C1QTNF3: variants seen among roughly 807,000 people sequenced by gnomAD.
The protein encoded by C1QTNF3 is C1q and TNF related 3.
A neutral mutation model predicts 32.6 loss-of-function variants in C1QTNF3; 26 were observed. The observed-to-expected ratio is 0.80, with a 90% CI of 0.58 to 1.11. The LOEUF (loss-of-function observed/expected upper bound fraction) is 1.11. C1QTNF3 is among the 50% of genes least tolerant of loss of function. The pLI is 0.00. For missense variants in C1QTNF3, 362 were observed against 398.2 expected (o/e 0.91, Z 0.77); for synonymous variants, 155 against 146.0 (o/e 1.06, Z -0.44).
chr5:34,197,754 T>C, the C1QTNF3 span, among the ~76,000 whole-genome samples: 2 of 151,970 alleles, frequency 1.3e-5, no homozygotes, highest in African/African-American at 4.8e-5. Flanking sequence ...CGCTATAGAA[T>C]ACCATAGACA....
At chr5:34,076,830 T>G in the C1QTNF3 span, among the ~76,000 whole-genome samples, 5 of 151,468 alleles carry the variant, frequency 3.3e-5, no homozygotes, top group African/African-American at 1.2e-4. Flanking sequence ...CGTGTTGACC[T>G]TGGCATAGTT....
At chr5:34,168,284 C>CGTGTGTGTGTGTGT in the C1QTNF3 span, 4 of 136,830 alleles carry the variant, frequency 2.9e-5, no homozygotes, top group African/African-American at 1.0e-4. Flanking sequence ...TGTGTGCATG[C>CGTGTGTGTGTGTGT]GTGTGTGTGT....
chr5:34,224,560 C>G, the C1QTNF3 span, among the ~76,000 whole-genome samples: 1 of 152,224 alleles, frequency 6.6e-6, no homozygotes, highest in South Asian at 2.1e-4. Context: ...GAAAGGATTC[C>G]CTATTTAATA....
In C1QTNF3 at chr5:34,018,059, A is replaced by G. The variant is rs1754238122; in HGVS notation, c.*2524T>C. Among the ~76,000 whole-genome samples, 1 of 151,900 alleles carries G rather than the reference A, an allele frequency of 6.6e-6. No individual in the cohort carries two copies. The highest frequency in any genetic ancestry group is 2.4e-5 in the African/African-American group (1 of 41,438). On this transcript the variant is annotated 3_prime_UTR_variant, in exon 6 of 6. Coordinates refer to ENST00000382065, the MANE Select transcript of C1QTNF3 (RefSeq NM_181435.6). ...CAACCCATTAGAGCAAGATACAAAA[A>G]TATATAAAAAGCTAATTTCAAATTA... is the stretch of plus-strand genomic sequence containing the variant.
chr5:34,059,349 C>A, the C1QTNF3 span, among the ~76,000 whole-genome samples: 1 of 152,158 alleles, frequency 6.6e-6, no homozygotes, highest in African/African-American at 2.4e-5. Flanking sequence ...CTAACAGCCT[C>A]ATTTTCACTT....
the C1QTNF3 span, among the ~76,000 whole-genome samples, chr5:34,054,029 G>A: frequency 2.0e-5 from 3 of 152,170 alleles, no homozygotes; most frequent in Non-Finnish European, 4.4e-5. Context: ...GCCGAGTATG[G>A]AAAGACCTGG....
chr5:34,212,302 T>C, the C1QTNF3 span, among the ~76,000 whole-genome samples: 3 of 152,050 alleles, frequency 2.0e-5, no homozygotes, highest in South Asian at 2.1e-4. Flanking sequence ...CTAAAAACCC[T>C]AGAAGAAAAC....
At chr5:34,129,579 A>G in the C1QTNF3 span, among the ~76,000 whole-genome samples, 4 of 152,170 alleles carry the variant, frequency 2.6e-5, no homozygotes, top group African/African-American at 4.8e-5. Context: ...TACCCTATAA[A>G]TGTAAGTGAT....
At chr5:34,128,936 G>A in the C1QTNF3 span, among the ~76,000 whole-genome samples, 1 of 152,144 alleles carries the variant, frequency 6.6e-6, no homozygotes, top group Admixed American at 6.5e-5. Flanking sequence ...TTTTAAAGGG[G>A]CCAGGGGCAG....
intron 1 of C1QTNF3, among the ~76,000 whole-genome samples, chr5:34,039,740 C>T (rs1489368097): frequency 6.6e-6 from 1 of 152,212 alleles, no homozygotes; most frequent in Non-Finnish European, 1.5e-5. Context: ...AGTCGTCTCG[C>T]ATTTTTTTCC....
chr5:34,039,096 C>T (rs2112121196), intron 1 of C1QTNF3, among the ~76,000 whole-genome samples: 1 of 152,232 alleles, frequency 6.6e-6, no homozygotes, highest in South Asian at 2.1e-4. Flanking sequence ...CTCCTAGGAG[C>T]ATTTGGCTGG....
the C1QTNF3 span, among the ~76,000 whole-genome samples, chr5:34,120,157 G>A: frequency 1.3e-5 from 2 of 152,162 alleles, no homozygotes; most frequent in South Asian, 2.1e-4. Context: ...TCCAGATTTA[G>A]AAATTCAGTA....
intron 4 of C1QTNF3, among the ~76,000 whole-genome samples, chr5:34,026,922 G>A (rs1179015720): frequency 1.3e-5 from 2 of 152,182 alleles, no homozygotes; most frequent in African/African-American, 2.4e-5. Flanking sequence ...AACAAAAGGC[G>A]TGAACCCATG....
chr5:34,234,017 TAA>T, the C1QTNF3 span, among the ~76,000 whole-genome samples: 4 of 152,168 alleles, frequency 2.6e-5, no homozygotes, highest in African/African-American at 9.6e-5. Context: ...ACCCACAATA[TAA>T]GTTTGTTCTA....
the C1QTNF3 span, among the ~76,000 whole-genome samples, chr5:34,105,012 T>A: frequency 6.6e-6 from 1 of 152,150 alleles, no homozygotes; most frequent in Admixed American, 6.5e-5. Flanking sequence ...CTTGTCAGAA[T>A]TACATCTCTA....
At chr5:34,140,831 CTAA>C in the C1QTNF3 span, among the ~76,000 whole-genome samples, 3 of 152,164 alleles carry the variant, frequency 2.0e-5, no homozygotes, top group African/African-American at 4.8e-5. Context: ...TTGTAGCACC[CTAA>C]TAATGTTTTA....
the C1QTNF3 span, among the ~76,000 whole-genome samples, chr5:34,085,291 G>A: frequency 6.7e-6 from 1 of 149,908 alleles, no homozygotes; most frequent in Non-Finnish European, 1.5e-5. Context: ...CACCATGCCC[G>A]GCCACATTTA....
At chr5:34,243,563 C>G in the C1QTNF3 span, among the ~76,000 whole-genome samples, 1 of 152,138 alleles carries the variant, frequency 6.6e-6, no homozygotes, top group Non-Finnish European at 1.5e-5. Flanking sequence ...CGGAATGAAC[C>G]TAGGTGCCCA....
chr5:34,051,034 A>G, the C1QTNF3 span, among the ~76,000 whole-genome samples: 104 of 152,332 alleles, frequency 6.8e-4, no homozygotes, highest in African/African-American at 2.4e-3. Context: ...ACATTATATG[A>G]TAAAGAAGAG....
Sources: gnomAD v4.1 joint callset for allele counts (sites outside exome capture counted in the v4.1 genomes callset) on GRCh38, gnomAD v4.1.1 for gene constraint, MANE v1.5 for transcripts, NCBI Gene and HGNC (gene_info 2026-07-23, HGNC 2026-07-21) for gene names.